The following KAZN variants were observed in gnomAD, a reference collection of about 807,000 sequenced individuals.
KAZN encodes the protein kazrin.
Under a neutral mutation model 87.4 loss-of-function variants are expected in KAZN, and 40 were observed. The ratio of observed to expected loss-of-function variants is 0.46; its 90% CI spans 0.36 to 0.60. The LOEUF (loss-of-function observed/expected upper bound fraction) is 0.60, where lower values mean the gene tolerates loss of function less well. Ranked by LOEUF, KAZN falls within the 20% of genes least tolerant of loss-of-function variation. The pLI is 0.00. For synonymous variants in KAZN, 466 were observed against 458.3 expected (o/e 1.02, Z -0.22); for missense variants, 898 against 1,073.9 (o/e 0.84, Z 2.29).
intron 2 of KAZN, among the ~76,000 whole-genome samples, chr1:15,015,951 G>T (rs1291625952): frequency 6.6e-6 from 1 of 152,142 alleles, no homozygotes; most frequent in East Asian, 1.9e-4. Context: ...CCCCGTCCCT[G>T]CTCTGCTGGG....
intron 1 of KAZN, among the ~76,000 whole-genome samples, chr1:14,897,084 C>T (rs1055923379): frequency 3.3e-5 from 5 of 152,194 alleles, no homozygotes; most frequent in Admixed American, 2.6e-4. Flanking sequence ...GGCTCTATCT[C>T]CTTTCTTGGT....
chr1:14,447,525 C>G (rs1667054779), intron 2 of KAZN, among the ~76,000 whole-genome samples: 1 of 152,126 alleles, frequency 6.6e-6, no homozygotes, highest in Non-Finnish European at 1.5e-5. Flanking sequence ...AGGCATGAGC[C>G]ACCGCGCCCA....
At chr1:14,298,881 A>T (rs111227377) in intron 2 of KAZN, among the ~76,000 whole-genome samples, 3 of 152,254 alleles carry the variant, frequency 2.0e-5, no homozygotes, top group African/African-American at 7.2e-5. Context: ...CCCTACCTAC[A>T]CTACACTCTC....
chr1:14,960,912 G>A, intron 2 of KAZN, 37 bp downstream of exon 2: 1 of 1,575,060 alleles, frequency 6.3e-7, no homozygotes, highest in Non-Finnish European at 8.6e-7. Context: ...TTCGCTGGGA[G>A]CTCAGGCCCC....
chr1:14,674,347 C>T (rs1363601440), intron 1 of KAZN, among the ~76,000 whole-genome samples: 1 of 152,214 alleles, frequency 6.6e-6, no homozygotes, highest in Non-Finnish European at 1.5e-5. Flanking sequence ...ACCAAAAGAA[C>T]CATGAACCAG....
At chr1:14,277,095 TCTTA>T (rs930256534) in intron 2 of KAZN, among the ~76,000 whole-genome samples, 3 of 152,214 alleles carry the variant, frequency 2.0e-5, no homozygotes, top group African/African-American at 4.8e-5. Flanking sequence ...ACAATCTTTG[TCTTA>T]CTTGGGAAAA....
intron 2 of KAZN, among the ~76,000 whole-genome samples, chr1:14,313,060 CAT>C (rs1655411039): frequency 6.6e-6 from 1 of 152,134 alleles, no homozygotes; most frequent in African/African-American, 2.4e-5. Context: ...ACTAATACAA[CAT>C]GCATAGAGAA....
chr1:14,358,602 C>T (rs1437028842), intron 2 of KAZN, among the ~76,000 whole-genome samples: 1 of 152,028 alleles, frequency 6.6e-6, no homozygotes, highest in African/African-American at 2.4e-5. Context: ...TAGCTGTGTC[C>T]CAGAGATTCT....
At chr1:14,358,581 A>C (rs1006569659) in intron 2 of KAZN, among the ~76,000 whole-genome samples, 1 of 152,146 alleles carries the variant, frequency 6.6e-6, no homozygotes, top group African/African-American at 2.4e-5. Context: ...ATTTCCCTTT[A>C]AACATTGCTT....
intron 2 of KAZN, among the ~76,000 whole-genome samples, chr1:14,555,812 C>CT (rs1331943015): frequency 6.6e-6 from 1 of 152,214 alleles, no homozygotes; most frequent in Non-Finnish European, 1.5e-5. Flanking sequence ...TGCTGACTGA[C>CT]TAGTCAACTG....
rs912753457 is a variant in KAZN at position 14,616,347 on chromosome 1, T to A, written c.226+17124T>A. ...AGCAGAACCTTTGTGTGCCATCAACTCATCCTTTCTGTGCCCTCAAATAAC... is the reference window on the plus strand; with the variant it reads ...AGCAGAACCTTTGTGTGCCATCAACACATCCTTTCTGTGCCCTCAAATAAC... On this transcript the variant is annotated intron_variant, in intron 1 of 14. Coordinates refer to ENST00000376030, the MANE Select transcript of KAZN (RefSeq NM_201628.3). Among the ~76,000 whole-genome samples the A allele has an allele frequency of 2.6e-5, 4 of 152,092 alleles. 1 individual carries two copies. Among genetic ancestry groups the A allele is most frequent in the African/African-American group, 9.7e-5 (4 of 41,418 alleles).
At chr1:14,585,271 A>T (rs979525133) in intron 2 of KAZN, among the ~76,000 whole-genome samples, 8 of 152,154 alleles carry the variant, frequency 5.3e-5, no homozygotes, top group African/African-American at 1.7e-4. Flanking sequence ...GGCACCCTTG[A>T]GGGACGGTGC....
Position 14,240,320 on chromosome 1 carries a change from G to A in KAZN, c.249+59728G>A, listed in dbSNP as rs74057118. On this transcript the variant is annotated intron_variant, in intron 2 of 16. Transcript: ENST00000636203. ...TACTTGGGACCTCCTGTGCCCACGC[G>A]ACACCTCTGTGTGCCTAGACAGGGG... Among the ~76,000 whole-genome samples, 169 of 152,316 alleles carry A rather than the reference G, an allele frequency of 1.1e-3. 1 individual carries two copies. Among genetic ancestry groups the A allele is most frequent in the African/African-American group, 3.8e-3 (159 of 41,558 alleles).
At chr1:14,341,460 G>A (rs1202045617) in intron 2 of KAZN, among the ~76,000 whole-genome samples, 1 of 152,182 alleles carries the variant, frequency 6.6e-6, no homozygotes. Context: ...CTCCCCCTGA[G>A]ATCTCACAGC....
At chr1:14,292,778 A>G (rs1243654339) in intron 2 of KAZN, among the ~76,000 whole-genome samples, 2 of 152,128 alleles carry the variant, frequency 1.3e-5, no homozygotes, top group African/African-American at 4.8e-5. Context: ...CACACATCTG[A>G]TGGATGAGCT....
chr1:14,762,871 A>G (rs1644781592), intron 1 of KAZN, among the ~76,000 whole-genome samples: 1 of 152,200 alleles, frequency 6.6e-6, no homozygotes, highest in Non-Finnish European at 1.5e-5. Context: ...CAATAATAAT[A>G]ATAATAATAC....
chr1:15,114,480 G>A lies in KAZN; in HGVS notation c.2173G>A (p.Gly725Arg). 6.2e-7 allele frequency: 1 copy of A among 1,610,378 alleles called. No homozygotes were observed. Among genetic ancestry groups the A allele is most frequent in the South Asian group, 1.1e-5 (1 of 90,108 alleles). Residue 725 changes from glycine (G) to arginine (R), a missense_variant, in exon 15 of 15, where the codon GGG (glycine) becomes AGG (arginine). Physicochemically the swap from Gly to Arg is moderately radical, Grantham distance 125. Around this residue, in one of 3 missense-constraint regions of KAZN, gnomAD observed 127 missense variants for 121.5 expected, o/e 1.04. Transcript: ENST00000376030. ...ATTCTTCTCTTCTCAGCTGCCCCTGGGGAAGATAGGAAGGGGCTTCAGCAG... is the reference window on the plus strand; with the variant it reads ...ATTCTTCTCTTCTCAGCTGCCCCTGAGGAAGATAGGAAGGGGCTTCAGCAG... ...LKYKAGRLPLGKIGRGFSSKD... is the reference protein window; with the variant it reads ...LKYKAGRLPLRKIGRGFSSKD...
intron 1 of KAZN, among the ~76,000 whole-genome samples, chr1:14,918,707 A>AAT (rs201058383): frequency 0.011 from 264 of 24,624 alleles, no homozygotes; most frequent in African/African-American, 0.032. Context: ...AAAAAAAAAA[A>AAT]ATATATATAT....
chr1:13,938,093 C>T (rs571664692), intron 1 of KAZN, among the ~76,000 whole-genome samples: 7 of 152,034 alleles, frequency 4.6e-5, no homozygotes, highest in Non-Finnish European at 1.0e-4. Context: ...TAATAGAAAT[C>T]GCATTGAATC....
Sources: gnomAD v4.1 joint callset for allele counts (sites outside exome capture counted in the v4.1 genomes callset) on GRCh38, gnomAD v4.1.1 for gene constraint, gnomAD v4.1.1 regional missense constraint, MANE v1.5 for transcripts, NCBI Gene and HGNC (gene_info 2026-07-23, HGNC 2026-07-21) for gene names.